Variants in IGF2BP2 observed in about 807,000 individuals in gnomAD.
The protein encoded by IGF2BP2 is insulin-like growth factor 2 mRNA-binding protein 2.
In IGF2BP2, 17 loss-of-function variants were observed where a neutral mutation model predicts 75.8. The observed-to-expected ratio is 0.22, with a 90% CI of 0.15 to 0.34. The LOEUF (loss-of-function observed/expected upper bound fraction) is 0.34, where lower values mean the gene tolerates loss of function less well. Among genes scored for constraint, IGF2BP2 ranks in the 10% least tolerant of loss-of-function variants. The pLI, the probability that IGF2BP2 is intolerant of heterozygous loss-of-function variation, is 1.00. For synonymous variants in IGF2BP2, 288 were observed against 295.6 expected, an observed-to-expected ratio of 0.97 and a Z score of 0.26; for missense variants, 516 against 772.4, an observed-to-expected ratio of 0.67 and a Z score of 3.93.
chr3:185,784,989 G>C (rs1735672321), intron 2 of IGF2BP2, among the ~76,000 whole-genome samples: 2 of 152,126 alleles, frequency 1.3e-5, no homozygotes, highest in South Asian at 4.1e-4. Flanking sequence ...TGAAATGCCT[G>C]TGTTTTCTTT....
At chr3:185,649,983 G>A (rs1321765520) in intron 13 of IGF2BP2, among the ~76,000 whole-genome samples, 1 of 152,194 alleles carries the variant, frequency 6.6e-6, no homozygotes, top group East Asian at 1.9e-4. Flanking sequence ...TGGGATTTGA[G>A]GAGCCTGATA....
At chr3:185,646,530 T>G (rs1713581440) in intron 15 of IGF2BP2, among the ~76,000 whole-genome samples, 1 of 152,154 alleles carries the variant, frequency 6.6e-6, no homozygotes, top group South Asian at 2.1e-4. Context: ...GAGAAGCGGC[T>G]GTGTGGAGGT....
chr3:185,697,442 A>T (rs911830964), intron 3 of IGF2BP2, among the ~76,000 whole-genome samples: 9 of 152,122 alleles, frequency 5.9e-5, no homozygotes, highest in Non-Finnish European at 1.0e-4. Context: ...AGTAATAAAA[A>T]CATTAGATAA....
intron 2 of IGF2BP2, among the ~76,000 whole-genome samples, chr3:185,769,310 A>G (rs1733543440): frequency 6.6e-6 from 1 of 152,080 alleles, no homozygotes; most frequent in African/African-American, 2.4e-5. Context: ...ATCCATGATC[A>G]TGCCACTGCA....
chr3:185,678,505 A>G (rs1719885622), intron 7 of IGF2BP2, among the ~76,000 whole-genome samples: 1 of 152,220 alleles, frequency 6.6e-6, no homozygotes, highest in African/African-American at 2.4e-5. Context: ...TGATCAGAAA[A>G]GATACTTTGT....
chr3:185,678,601 C>T (rs1040697546), intron 7 of IGF2BP2, among the ~76,000 whole-genome samples: 4 of 152,158 alleles, frequency 2.6e-5, no homozygotes, highest in Non-Finnish European at 4.4e-5. Context: ...TTGAGAAGAA[C>T]GTATATTCTG....
intron 2 of IGF2BP2, among the ~76,000 whole-genome samples, chr3:185,818,979 C>T (rs908162863): frequency 1.3e-5 from 2 of 152,048 alleles, no homozygotes; most frequent in Non-Finnish European, 2.9e-5. Context: ...TGTTCTAAAT[C>T]TTCTTTTAAA....
rs140402609 is a variant in IGF2BP2, at chr3:185,740,001, G to A, written c.240-41654C>T. Among the ~76,000 whole-genome samples the A allele has an allele frequency of 1.9e-3, 290 of 151,624 alleles. 2 individuals carry two copies. The highest frequency in any genetic ancestry group is 6.8e-3 in the African/African-American group (279 of 41,272). Reference sequence around the variant, plus strand: ...CTCCTGAGTAGCTGGTACTACAGGCGTACACCACCATACCTGTCTAATTTT... The same window carrying A: ...CTCCTGAGTAGCTGGTACTACAGGCATACACCACCATACCTGTCTAATTTT... On this transcript the variant is annotated intron_variant, in intron 2 of 15. Transcript: ENST00000382199.
intron 10 of IGF2BP2, among the ~76,000 whole-genome samples, chr3:185,667,363 T>G (rs967635810): frequency 6.6e-6 from 1 of 152,060 alleles, no homozygotes; most frequent in Non-Finnish European, 1.5e-5. Context: ...GTAGTCCCAG[T>G]TATTGAGGAG....
intron 2 of IGF2BP2, among the ~76,000 whole-genome samples, chr3:185,809,521 T>A (rs560081229): frequency 6.6e-6 from 1 of 152,280 alleles, no homozygotes; most frequent in East Asian, 1.9e-4. Flanking sequence ...TCCCAGCGAC[T>A]CAGGAGCCTG....
intron 5 of IGF2BP2, among the ~76,000 whole-genome samples, chr3:185,690,821 C>A (rs1267763140): frequency 1.3e-5 from 2 of 152,116 alleles, no homozygotes; most frequent in Non-Finnish European, 2.9e-5. Context: ...AAATGATATA[C>A]CACTATTATA....
At chr3:185,675,946 G>T (rs778876184) in intron 7 of IGF2BP2, 33 bp from the exon 8 acceptor site, 2 of 1,610,252 alleles carry the variant, frequency 1.2e-6, no homozygotes, top group Non-Finnish European at 1.7e-6. Context: ...TAACACTTCA[G>T]ATACGTATAA....
chr3:185,780,101 G>A (rs936377955), intron 2 of IGF2BP2, among the ~76,000 whole-genome samples: 14 of 152,158 alleles, frequency 9.2e-5, no homozygotes, highest in African/African-American at 3.1e-4. Flanking sequence ...AGCCAGTTGT[G>A]GAATGTTCCA....
Position 185,647,182 on chromosome 3 carries a change from C to T in IGF2BP2, c.1594-44G>A, listed in dbSNP as rs764066024. 1.6e-5 allele frequency: 23 copies of T among 1,404,228 alleles called. No homozygotes were observed. The highest frequency in any genetic ancestry group is 6.9e-5 in the South Asian group (6 of 86,812). The allele number at this position is 1,404,228 out of a possible 1,614,324, so 87.0% of individuals were successfully genotyped here. On this transcript the variant is annotated intron_variant, in intron 14 of 15. Transcript: ENST00000382199. The surrounding 1 kb of genome is among the most constrained non-coding windows in gnomAD (Gnocchi z 4.9). ...CAACGGGTTGGATAGGTTCCCTCCC[C>T]GTCAACGTGGTGGGCTCAGGACGGA...
At chr3:185,797,765 C>T (rs1235820722) in intron 2 of IGF2BP2, among the ~76,000 whole-genome samples, 2 of 151,094 alleles carry the variant, frequency 1.3e-5, no homozygotes, top group Non-Finnish European at 2.9e-5. Context: ...ATTAGCCAAG[C>T]GTGGAGGTGC....
chr3:185,646,833 A>G, intron 15 of IGF2BP2, 192 bp downstream of exon 15: 1 of 599,668 alleles, frequency 1.7e-6, no homozygotes, highest in African/African-American at 1.9e-5. Flanking sequence ...CGGGGATGAC[A>G]GTGGAGAGAA....
At chr3:185,683,551 G>GGT (rs995297345) in intron 7 of IGF2BP2, among the ~76,000 whole-genome samples, 5 of 152,036 alleles carry the variant, frequency 3.3e-5, no homozygotes, top group African/African-American at 1.2e-4. Flanking sequence ...TGGGACTACA[G>GGT]GTGTCCACCC....
intron 10 of IGF2BP2, among the ~76,000 whole-genome samples, chr3:185,662,935 C>T (rs1373535097): frequency 1.3e-5 from 2 of 152,184 alleles, no homozygotes; most frequent in African/African-American, 4.8e-5. Flanking sequence ...CTGCCTCGGC[C>T]TCCCAGAGTG....
chr3:185,764,420 C>T (rs1359385534), intron 2 of IGF2BP2, among the ~76,000 whole-genome samples: 1 of 152,098 alleles, frequency 6.6e-6, no homozygotes, highest in African/African-American at 2.4e-5. Flanking sequence ...GCTGCAGATC[C>T]ACAAATAGGT....
Sources: allele counts gnomAD v4.1 joint callset (sites outside exome capture counted in the v4.1 genomes callset), GRCh38; gene constraint gnomAD v4.1.1; non-coding constraint Gnocchi (gnomAD v3.1); transcripts MANE v1.5; gene names NCBI Gene and HGNC (gene_info 2026-07-23, HGNC 2026-07-21).